TRPC6: variants seen among roughly 807,000 people sequenced by gnomAD.
TRPC6 encodes short transient receptor potential channel 6.
In TRPC6, 55 loss-of-function variants were observed where a neutral mutation model predicts 90.7. The ratio of observed to expected loss-of-function variants is 0.61; its 90% CI spans 0.49 to 0.76. The LOEUF (loss-of-function observed/expected upper bound fraction) is 0.76, where lower values mean the gene tolerates loss of function less well. Ranked by LOEUF, TRPC6 falls within the 30% of genes least tolerant of loss-of-function variation. The pLI is 0.00. For missense variants in TRPC6, 989 were observed against 1,122.7 expected, an observed-to-expected ratio of 0.88 and a Z score of 1.70; for synonymous variants, 393 against 393.0, an observed-to-expected ratio of 1.00 and a Z score of 0.00.
chr11:101,472,067 A>T, intron 8 of TRPC6, 70 bp downstream of exon 8: 2 of 1,453,820 alleles, frequency 1.4e-6, no homozygotes, highest in Non-Finnish European at 9.6e-7. Flanking sequence ...TTTCATCCCC[A>T]TTGCTGAGTT....
intron 1 of TRPC6, among the ~76,000 whole-genome samples, chr11:101,531,712 C>A (rs866540890): frequency 2.8e-4 from 42 of 152,068 alleles, no homozygotes; most frequent in African/African-American, 8.5e-4. Flanking sequence ...TATGCAAGGC[C>A]CAAATCAGCA....
At chr11:101,506,338 G>A (rs1329784878) in intron 1 of TRPC6, among the ~76,000 whole-genome samples, 3 of 150,238 alleles carry the variant, frequency 2.0e-5, no homozygotes, top group Non-Finnish European at 4.4e-5. Context: ...CCTCCAATAT[G>A]TTCAGGTCTG....
chr11:101,577,066 C>T (rs4394815), intron 1 of TRPC6, among the ~76,000 whole-genome samples: 53,034 of 151,862 alleles, frequency 0.35, 10,096 homozygotes, highest in Non-Finnish European at 0.44. Flanking sequence ...TTGGGGGAGA[C>T]GATTACTCCT....
rs1858767032 is a variant in TRPC6, at chr11:101,451,678, A to G, written c.*1277T>C. ...TGTATTTTCTGATCTGGTTACATAA[A>G]TGTTCTTTGATTTAAATTAAGCCAA... On this transcript the variant is annotated 3_prime_UTR_variant, in exon 13 of 13. Coordinates refer to ENST00000344327, the MANE Select transcript of TRPC6 (RefSeq NM_004621.6). 1 of 152,216 alleles carries G rather than the reference A, an allele frequency of 6.6e-6. No individual in the cohort carries two copies. Among genetic ancestry groups the G allele is most frequent in the African/African-American group, 2.4e-5 (1 of 41,468 alleles). The allele number at this position is 152,216 out of a possible 1,614,324, so 9.4% of individuals were successfully genotyped here. A position where few individuals can be genotyped will look rare whatever the true frequency, so the allele number is the denominator to read the frequency against.
chr11:101,563,548 T>G (rs186849403), intron 1 of TRPC6, among the ~76,000 whole-genome samples: 1 of 152,304 alleles, frequency 6.6e-6, no homozygotes, highest in African/African-American at 2.4e-5. Flanking sequence ...GGTAATCTTT[T>G]TTTTTATTAA....
At chr11:101,461,493 G>C (rs1000938046) in intron 10 of TRPC6, among the ~76,000 whole-genome samples, 1 of 152,150 alleles carries the variant, frequency 6.6e-6, no homozygotes, top group Non-Finnish European at 1.5e-5. Context: ...GATCACCTGA[G>C]CCTGGGAGGT....
intron 2 of TRPC6, among the ~76,000 whole-genome samples, chr11:101,496,140 T>TCATGAGAACTCACTCACTAG (rs1207864819): frequency 6.6e-6 from 1 of 151,922 alleles, no homozygotes; most frequent in Non-Finnish European, 1.5e-5. Flanking sequence ...CCATCAAATC[T>TCATGAGAACTCACTCACTAG]CATGAGAACT....
At chr11:101,559,470 C>G (rs1366047719) in intron 1 of TRPC6, among the ~76,000 whole-genome samples, 1 of 152,060 alleles carries the variant, frequency 6.6e-6, no homozygotes, top group Non-Finnish European at 1.5e-5. Context: ...TTTAACAAAA[C>G]AAATAATGAT....
At chr11:101,455,523 CTGCAGAAACACCAGGGTAAG>C (rs1438239520) in intron 10 of TRPC6, 1 of 175,128 alleles carries the variant, frequency 5.7e-6, no homozygotes, top group Non-Finnish European at 1.2e-5. Context: ...GATGTGGATC[CTGCAGAAACACCAGGGTAAG>C]ACTGTGGTGG....
At chr11:101,465,517 C>T (rs909292463) in intron 10 of TRPC6, among the ~76,000 whole-genome samples, 1 of 151,926 alleles carries the variant, frequency 6.6e-6, no homozygotes, top group African/African-American at 2.4e-5. Context: ...ATCTTGTTTT[C>T]ATGTTTTATT....
rs147097539 is a variant in TRPC6, at chr11:101,576,991, C to T, written c.170+6343G>A. Among the ~76,000 whole-genome samples the T allele has an allele frequency of 2.3e-3, 351 of 152,232 alleles. 1 individual carries two copies. The highest frequency in any genetic ancestry group is 7.8e-3 in the African/African-American group (326 of 41,550). ...GGGGAGGTTTCAACACAAAACAGGT[C>T]ATTTCCATGCAGAATACAGAGCTTC... On this transcript the variant is annotated intron_variant, in intron 1 of 12. Transcript: ENST00000344327.
rs753886416 is a variant in TRPC6, at chr11:101,469,421, G to A, written c.2484+6C>T. On this transcript the variant is annotated splice_donor_region_variant and intron_variant, in intron 10 of 12. Transcript: ENST00000344327. ...CATGACTTCATATTTTCAAATATGAGCTTACCTGTTTTTTGTCAAGTGATA... is the reference window on the plus strand; with the variant it reads ...CATGACTTCATATTTTCAAATATGAACTTACCTGTTTTTTGTCAAGTGATA... 2.6e-6 allele frequency: 2 copies of A among 768,972 alleles called. No individual in the cohort carries two copies. Among genetic ancestry groups the A allele is most frequent in the Admixed American group, 3.4e-5 (2 of 58,096 alleles). The allele number at this position is 768,972 out of a possible 1,614,324, so 47.6% of individuals were successfully genotyped here.
intron 1 of TRPC6, among the ~76,000 whole-genome samples, chr11:101,549,175 G>C (rs1861396471): frequency 6.6e-6 from 1 of 151,972 alleles, no homozygotes; most frequent in African/African-American, 2.4e-5. Context: ...AGTGATTTAA[G>C]AGCAAGTGAA....
chr11:101,463,137 C>T (rs1056417033), intron 10 of TRPC6, among the ~76,000 whole-genome samples: 9 of 152,114 alleles, frequency 5.9e-5, no homozygotes, highest in Middle Eastern at 3.2e-3. Context: ...GTTGAACCAG[C>T]CTTGCATCCC....
chr11:101,535,455 T>C (rs58541860), intron 1 of TRPC6, among the ~76,000 whole-genome samples: 7,417 of 152,190 alleles, frequency 0.049, 393 homozygotes, highest in African/African-American at 0.13. Context: ...TATTTGTCTA[T>C]TTCTCTTTCA....
chr11:101,518,947 C>T (rs956208689), intron 1 of TRPC6, among the ~76,000 whole-genome samples: 1 of 152,114 alleles, frequency 6.6e-6, no homozygotes, highest in Non-Finnish European at 1.5e-5. Context: ...TACGGAAAGA[C>T]AAGCTTTGCA....
intron 1 of TRPC6, among the ~76,000 whole-genome samples, chr11:101,531,554 G>C (rs559097504): frequency 1.3e-5 from 2 of 152,280 alleles, no homozygotes; most frequent in South Asian, 4.1e-4. Flanking sequence ...TCACAATCTT[G>C]ATTCTGGGAA....
chr11:101,563,544 C>CTT (rs551771148), intron 1 of TRPC6, among the ~76,000 whole-genome samples: 2 of 151,462 alleles, frequency 1.3e-5, no homozygotes, highest in African/African-American at 4.9e-5. Context: ...TGTAGGTAAT[C>CTT]TTTTTTTTTA....
chr11:101,537,906 T>C (rs1267817058), intron 1 of TRPC6, among the ~76,000 whole-genome samples: 2 of 152,330 alleles, frequency 1.3e-5, no homozygotes, highest in East Asian at 1.9e-4. Context: ...GTTGATATTA[T>C]TAGGTATTCC....
Sources: allele counts gnomAD v4.1 joint callset (sites outside exome capture counted in the v4.1 genomes callset), GRCh38; gene constraint gnomAD v4.1.1; transcripts MANE v1.5; gene names NCBI Gene and HGNC (gene_info 2026-07-23, HGNC 2026-07-21).